The following KLF8 variants were observed in gnomAD, a reference collection of about 807,000 sequenced individuals.
The protein encoded by KLF8 is Krueppel-like factor 8.
KLF8 carries 10 observed loss-of-function variants against 18.2 expected under a neutral mutation model. The ratio of observed to expected loss-of-function variants is 0.55; its 90% CI spans 0.34 to 0.93. The LOEUF (loss-of-function observed/expected upper bound fraction) is 0.93. Ranked by LOEUF, KLF8 falls within the 40% of genes least tolerant of loss-of-function variation. The pLI, the probability that KLF8 is intolerant of heterozygous loss-of-function variation, is 0.02. For missense variants in KLF8, 264 were observed against 277.9 expected (o/e 0.95, Z 0.36); for synonymous variants, 109 against 97.3 (o/e 1.12, Z -0.71).
At chrX:55,986,839 A>G in the KLF8 span, among the ~76,000 whole-genome samples, 1 of 111,468 alleles carries the variant, frequency 9.0e-6, no homozygotes, top group East Asian at 2.8e-4. Context: ...TCTGATCCTC[A>G]TCTTCTCCCA....
the KLF8 span, among the ~76,000 whole-genome samples, chrX:55,983,846 A>C: frequency 9.1e-6 from 1 of 110,297 alleles, no homozygotes; most frequent in Non-Finnish European, 1.9e-5. Flanking sequence ...CCCATGGCTT[A>C]GCTCTCACTT....
At chrX:55,956,731 A>G in the KLF8 span, among the ~76,000 whole-genome samples, 1 of 112,096 alleles carries the variant, frequency 8.9e-6, no homozygotes, top group African/African-American at 3.2e-5. Context: ...TATTCAAGTC[A>G]GTTGCCCATT....
the KLF8 span, among the ~76,000 whole-genome samples, chrX:55,959,861 T>C: frequency 9.4e-6 from 1 of 106,011 alleles, no homozygotes; most frequent in African/African-American, 3.8e-5. Flanking sequence ...ATTGGAGAGA[T>C]TGAAATGCAA....
chrX:56,218,381 T>C, the KLF8 span, among the ~76,000 whole-genome samples: 3 of 111,016 alleles, frequency 2.7e-5, no homozygotes, highest in African/African-American at 9.9e-5. Context: ...ATAAAAACAG[T>C]CCTTTCGCTG....
the KLF8 span, among the ~76,000 whole-genome samples, chrX:56,037,008 T>G: frequency 8.9e-6 from 1 of 112,573 alleles, no homozygotes; most frequent in South Asian, 3.6e-4. Context: ...GCATTTTGAT[T>G]TTATTTTACA....
chrX:56,051,948 C>T, the KLF8 span, among the ~76,000 whole-genome samples: 1 of 110,316 alleles, frequency 9.1e-6, no homozygotes, highest in Non-Finnish European at 1.9e-5. Context: ...TCCCATATTT[C>T]TTGGAGGCTT....
chrX:56,075,483 C>A, the KLF8 span, among the ~76,000 whole-genome samples: 1 of 111,770 alleles, frequency 8.9e-6, no homozygotes, highest in Admixed American at 9.5e-5. Flanking sequence ...ATGAGATACT[C>A]ATCCACTCAA....
chrX:55,975,838 G>T, the KLF8 span, among the ~76,000 whole-genome samples: 1 of 111,706 alleles, frequency 9.0e-6, no homozygotes, highest in African/African-American at 3.3e-5. Context: ...GGCCAGGCGC[G>T]GTGGCTTACG....
At chrX:55,910,552 T>A in the KLF8 span, among the ~76,000 whole-genome samples, 1 of 111,695 alleles carries the variant, frequency 9.0e-6, no homozygotes, top group Admixed American at 9.5e-5. Context: ...AGAAGGTCAG[T>A]ATCACTGGAG....
At chrX:56,188,082 T>C in the KLF8 span, among the ~76,000 whole-genome samples, 1 of 110,936 alleles carries the variant, frequency 9.0e-6, no homozygotes, top group African/African-American at 3.3e-5. Flanking sequence ...GGAAGTCAAA[T>C]TGTCCCTGTT....
the KLF8 span, among the ~76,000 whole-genome samples, chrX:56,200,057 G>A: frequency 9.0e-6 from 1 of 111,033 alleles, no homozygotes; most frequent in South Asian, 3.8e-4. Flanking sequence ...ACAGGGCAGG[G>A]AACATCACAC....
At chrX:56,016,306 A>G in the KLF8 span, among the ~76,000 whole-genome samples, 1 of 112,409 alleles carries the variant, frequency 8.9e-6, no homozygotes, top group African/African-American at 3.2e-5. Flanking sequence ...ACATTTGTTG[A>G]GTAGATCAAT....
the KLF8 span, among the ~76,000 whole-genome samples, chrX:55,943,871 G>T: frequency 8.9e-6 from 1 of 112,250 alleles, no homozygotes; most frequent in East Asian, 2.8e-4. Flanking sequence ...GAGTCTGTTT[G>T]CTGGATGGGG....
chrX:56,041,825 G>T, the KLF8 span, among the ~76,000 whole-genome samples: 2 of 111,372 alleles, frequency 1.8e-5, no homozygotes, highest in Non-Finnish European at 3.8e-5. Context: ...GAATAGCTGG[G>T]ACTACAGGCA....
At chrX:55,967,311 TTAA>T in the KLF8 span, among the ~76,000 whole-genome samples, 1 of 110,820 alleles carries the variant, frequency 9.0e-6, no homozygotes, top group Non-Finnish European at 1.9e-5. Context: ...CTCAAAGCAT[TTAA>T]TAATCAAACT....
chrX:56,045,250 G>C, the KLF8 span, among the ~76,000 whole-genome samples: 1 of 111,777 alleles, frequency 8.9e-6, no homozygotes, highest in African/African-American at 3.2e-5. Context: ...TGTTCCATTG[G>C]TCTATGTGCC....
chrX:56,208,652 T>C, the KLF8 span, among the ~76,000 whole-genome samples: 2 of 111,288 alleles, frequency 1.8e-5, no homozygotes, highest in African/African-American at 6.5e-5. Context: ...CCATAGGTTT[T>C]GGTATGTTGT....
At chrX:56,012,309 C>G in the KLF8 span, among the ~76,000 whole-genome samples, 11,073 of 111,414 alleles carry the variant, frequency 0.099, 934 homozygotes, top group African/African-American at 0.27. Flanking sequence ...GCCGATTCAA[C>G]CCATGCAAAT....
the KLF8 span, among the ~76,000 whole-genome samples, chrX:55,939,125 G>A: frequency 1.8e-5 from 2 of 111,798 alleles, no homozygotes; most frequent in South Asian, 7.6e-4. Context: ...ATGGTTGGAA[G>A]TAAAGCTCTC....
Sources: allele counts gnomAD v4.1 joint callset (sites outside exome capture counted in the v4.1 genomes callset), GRCh38; gene constraint gnomAD v4.1.1; transcripts MANE v1.5; gene names NCBI Gene and HGNC (gene_info 2026-07-23, HGNC 2026-07-21).